The following TSTD1 variants were observed in gnomAD, a reference collection of about 807,000 sequenced individuals.
TSTD1 encodes the protein thiosulfate:glutathione sulfurtransferase.
TSTD1 carries 7 observed loss-of-function variants against 12.6 expected under a neutral mutation model. The ratio of observed to expected loss-of-function variants is 0.55; its 90% CI spans 0.32 to 1.04. The LOEUF is 1.04. TSTD1 is among the 50% of genes least tolerant of loss of function. The pLI is 0.05. For missense variants in TSTD1, 156 were observed against 151.0 expected, an observed-to-expected ratio of 1.03 and a Z score of -0.17; for synonymous variants, 73 against 59.7, an observed-to-expected ratio of 1.22 and a Z score of -1.03.
At position 161,037,950 on chromosome 1, in the gene TSTD1, G is replaced by C; in HGVS notation, c.259C>G (p.Gln87Glu). The C allele has an allele frequency of 1.3e-6, 2 of 1,551,814 alleles. No homozygotes were observed. The highest frequency in any genetic ancestry group is 1.7e-6 in the Non-Finnish European group (2 of 1,147,008). The change falls in exon 3 of 4, where the codon CAG (glutamine) becomes GAG (glutamate). Residue 87 changes from glutamine (Q) to glutamate (E), a missense_variant. Gln to Glu is a conservative substitution (Grantham distance 29). Transcript: ENST00000423014. The part of the protein sequence containing the change: ...FFCQMGKRGL[Q>E]ATQLARSLGY... Reference sequence around the variant, plus strand: ...AGACTCCGGGCCAGCTGCGTGGCCTGGAGGCCCCGCTTGCCCATCTGACAG... The same window carrying C: ...AGACTCCGGGCCAGCTGCGTGGCCTCGAGGCCCCGCTTGCCCATCTGACAG...
rs1004513386 is a variant in TSTD1 at position 161,038,044 on chromosome 1, C to T, written c.165G>A (p.Glu55=). 16 of 1,551,558 alleles carry T rather than the reference C, an allele frequency of 1.0e-5. No individual in the cohort carries two copies. In the East Asian group the frequency reaches 3.9e-4, roughly 38 times the overall value. The change falls in exon 3 of 4, where the codon GAG becomes GAA. Residue 55 remains glutamate (E), a synonymous_variant. Transcript: ENST00000423014. The stretch of plus-strand genomic sequence containing the variant: ...AATATAAAGCCTGGAAGGCAGCTGG[C>T]TCCATCTGCAGAGCACTCTCCAACT... The part of the protein sequence containing the change: ...VSELESALQM[E]PAAFQALYSA...
chr1:161,038,350 C>G, intron 2 of TSTD1: 1 of 735,098 alleles, frequency 1.4e-6, no homozygotes, highest in South Asian at 2.0e-5. Context: ...CTGCTGTCTT[C>G]TCAAACTGGA....
At chr1:161,038,170 A>G (rs1041688793) in intron 2 of TSTD1, 95 bp from the exon 3 acceptor site, 9 of 1,242,578 alleles carry the variant, frequency 7.2e-6, no homozygotes, top group Non-Finnish European at 9.9e-6. Context: ...GGGCCCCCAA[A>G]CAACATATGA....
In TSTD1 at chr1:161,037,825, C is replaced by T; in HGVS notation, c.298G>A (p.Ala100Thr). 6.4e-7 allele frequency: 1 copy of T among 1,551,764 alleles called. No individual in the cohort carries two copies. Residue 100 changes from alanine (A) to threonine (T), a missense_variant and splice_region_variant, in exon 4 of 4, where the codon GCT becomes ACT. Coordinates refer to ENST00000423014, the MANE Select transcript of TSTD1 (RefSeq NM_001113207.2). The stretch of plus-strand genomic sequence containing the variant: ...CTATAGGCTCCAGCGTAGTTGCGAG[C>T]CCTGTGGAGACAAAGAAGCGTGAGA... ...QLARSLGYTGARNYAGAYREW... is the reference protein window; with the variant it reads ...QLARSLGYTGTRNYAGAYREW...
chr1:161,038,932 C>T lies in TSTD1; in HGVS notation c.-43G>A, dbSNP rs903032183. ...CGAGTCTCCGGAGTGCGGCCCTGGCCCGCCCTCTCGGCGCCTGCAACATCT... is the reference window on the plus strand; with the variant it reads ...CGAGTCTCCGGAGTGCGGCCCTGGCTCGCCCTCTCGGCGCCTGCAACATCT... On this transcript the variant is annotated 5_prime_UTR_variant, in exon 1 of 4. Transcript: ENST00000423014. The T allele has an allele frequency of 1.9e-6, 3 of 1,548,134 alleles. No individual in the cohort carries two copies.
intron 1 of TSTD1, 25 bp downstream of exon 1, chr1:161,038,855 G>T: frequency 6.5e-7 from 1 of 1,548,600 alleles, no homozygotes; most frequent in Non-Finnish European, 8.7e-7. Flanking sequence ...AGAGAACCGC[G>T]GCCCCAGGAA....
In TSTD1 at chr1:161,038,565, G is replaced by C; in HGVS notation, c.119C>G (p.Ala40Gly). ...CCACCCTATACCCGGGATGTTGAGC[G>C]CCCCTGGGATGGTCCCAGCTGCCGC... is the stretch of plus-strand genomic sequence containing the variant. ...EEAAAGTIPG[A>G]LNIPVSELES... Residue 40 changes from alanine (A) to glycine (G), a missense_variant, in exon 2 of 4, where the codon GCG (alanine) becomes GGG (glycine). By Grantham distance (60) the Ala-to-Gly change is moderately conservative. Coordinates refer to ENST00000423014, the MANE Select transcript of TSTD1 (RefSeq NM_001113207.2). The C allele has an allele frequency of 1.9e-6, 3 of 1,542,866 alleles. No homozygotes were observed. The South Asian group carries it at 3.6e-5, about 18-fold the overall frequency.
chr1:161,038,793 G>A, intron 1 of TSTD1, 87 bp downstream of exon 1: 1 of 1,520,990 alleles, frequency 6.6e-7, no homozygotes, highest in Non-Finnish European at 8.9e-7. Flanking sequence ...CCTCAGCCAC[G>A]CCCCTTCGCT....
Position 161,037,634 on chromosome 1 carries a change from G to C in TSTD1, c.*141C>G. The C allele has an allele frequency of 1.1e-6, 1 of 920,528 alleles. No homozygotes were observed. The highest frequency in any genetic ancestry group is 1.6e-6 in the Non-Finnish European group (1 of 607,368). The allele number at this position is 920,528 out of a possible 1,614,324, so 57.0% of individuals were successfully genotyped here. A position where few individuals can be genotyped will look rare whatever the true frequency, so the allele number is the denominator to read the frequency against. ...ACACATTAAGTGCTTCCAATACTTT[G>C]ATTAAATGTTCTTTATTTGATGCTT... On this transcript the variant is annotated 3_prime_UTR_variant, in exon 4 of 4. Transcript: ENST00000423014.
At chr1:161,038,110 C>A in intron 2 of TSTD1, 35 bp from the exon 3 acceptor site, 1 of 1,540,356 alleles carries the variant, frequency 6.5e-7, no homozygotes, top group Non-Finnish European at 8.8e-7. Flanking sequence ...GGAAAGCCAG[C>A]AATTTGGCAC....
Position 161,038,615 on chromosome 1 carries a change from G to A in TSTD1, c.69C>T (p.Leu23=), listed in dbSNP as rs535479096. 2.6e-6 allele frequency: 4 copies of A among 1,550,570 alleles called. No homozygotes were observed. The highest frequency in any genetic ancestry group is 2.4e-5 in the East Asian group (1 of 40,898). ...CCTCCTCGCGAGAGCGCACGTCGAAGAGCCGGGCCCGTCCGGAGGCTAGGA... is the reference window on the plus strand; with the variant it reads ...CCTCCTCGCGAGAGCGCACGTCGAAAAGCCGGGCCCGTCCGGAGGCTAGGA... The part of the protein sequence containing the change: ...RSLLASGRAR[L]FDVRSREEAA... Residue 23 remains leucine, a synonymous_variant, in exon 2 of 4, where the codon CTC becomes CTT. Transcript: ENST00000423014.
Position 161,038,961 on chromosome 1 carries a change from G to T in TSTD1, c.-72C>A, listed in dbSNP as rs1174830910. On this transcript the variant is annotated 5_prime_UTR_variant, in exon 1 of 4. Transcript: ENST00000423014. ...CCTCTCGGCGCCTGCAACATCTCCC[G>T]TTCCCTCCCAGAGCTGAGACCGGAT... 4 of 1,546,376 alleles carry T rather than the reference G, an allele frequency of 2.6e-6. No homozygotes were observed. The highest frequency in any genetic ancestry group is 2.0e-5 in the Admixed American group (1 of 50,800).
In TSTD1 at chr1:161,038,416, A is replaced by G. The variant is rs374547534; in HGVS notation, c.133+135T>C. 1,940 of 1,115,256 alleles carry G rather than the reference A, an allele frequency of 1.7e-3. 38 individuals carry two copies. The South Asian group carries it at 0.026, about 15-fold the overall frequency. The allele number at this position is 1,115,256 out of a possible 1,614,324, so 69.1% of individuals were successfully genotyped here. A position where few individuals can be genotyped will look rare whatever the true frequency, so the allele number is the denominator to read the frequency against. On this transcript the variant is annotated intron_variant, in intron 2 of 3. Coordinates refer to ENST00000423014, the MANE Select transcript of TSTD1 (RefSeq NM_001113207.2). ...CCATCAGTCCTTCCTACGGAAGCTG[A>G]GGGCTGGCTCCCGGGAATGCAGGAC...
At chr1:161,038,386 GCCC>G in intron 2 of TSTD1, 162 bp downstream of exon 2, 3 of 870,792 alleles carry the variant, frequency 3.4e-6, no homozygotes, top group Non-Finnish European at 5.1e-6. Context: ...GCCAAGATCC[GCCC>G]CCCATCAGTC....
chr1:161,038,773 C>T (rs1223392277), intron 1 of TSTD1, 100 bp from the exon 2 acceptor site: 2 of 1,519,740 alleles, frequency 1.3e-6, no homozygotes, highest in African/African-American at 1.4e-5. Flanking sequence ...GTAGGGTGTG[C>T]ACGAAGACCC....
intron 2 of TSTD1, 36 bp downstream of exon 2, chr1:161,038,515 A>C (rs1650326451): frequency 6.6e-7 from 1 of 1,511,908 alleles, no homozygotes; most frequent in Non-Finnish European, 8.9e-7. Context: ...AACGGTCTCT[A>C]TTCCACCACC....
rs902438575 is a variant in TSTD1 at position 161,037,713 on chromosome 1, C to T, written c.*62G>A. On this transcript the variant is annotated 3_prime_UTR_variant, in exon 4 of 4. Transcript: ENST00000423014. ...CCAATTCACCAAGTCAGCCCGTTCACACCCTTAGTTAAGGTGGCCATTAAG... is the reference window on the plus strand; with the variant it reads ...CCAATTCACCAAGTCAGCCCGTTCATACCCTTAGTTAAGGTGGCCATTAAG... 1.5e-5 allele frequency: 23 copies of T among 1,535,290 alleles called. No individual in the cohort carries two copies. Among genetic ancestry groups the T allele is most frequent in the Non-Finnish European group, 1.9e-5 (21 of 1,132,534 alleles).
At chr1:161,038,331 C>T in intron 2 of TSTD1, 2 of 692,600 alleles carry the variant, frequency 2.9e-6, no homozygotes, top group Admixed American at 3.0e-5. Flanking sequence ...CTGCCCCTCT[C>T]CTCTCCGCCT....
rs376666884 is a variant in TSTD1 at position 161,038,470 on chromosome 1, T to A, written c.133+81A>T. The A allele has an allele frequency of 8.4e-6, 12 of 1,433,670 alleles. No individual in the cohort carries two copies. The East Asian group carries it at 1.0e-4, about 12-fold the overall frequency. 88.8% of individuals were successfully genotyped at this position (1,433,670 alleles called of 1,614,324 possible). Reference sequence around the variant, plus strand: ...CATAATCAGTGCCTTCCCCATTCCATCCTAAATGAGGTCCCATTGGCAAAG... The same window carrying A: ...CATAATCAGTGCCTTCCCCATTCCAACCTAAATGAGGTCCCATTGGCAAAG... On this transcript the variant is annotated intron_variant, in intron 2 of 3. Coordinates refer to ENST00000423014, the MANE Select transcript of TSTD1 (RefSeq NM_001113207.2).
Sources: gnomAD v4.1 joint callset for allele counts on GRCh38, gnomAD v4.1.1 for gene constraint, MANE v1.5 for transcripts, NCBI Gene and HGNC (gene_info 2026-07-23, HGNC 2026-07-21) for gene names.